The following RYR3 variants were observed in gnomAD, a reference collection of about 807,000 sequenced individuals.
RYR3 encodes the protein brain ryanodine receptor-calcium release channel.
RYR3 carries 207 observed loss-of-function variants against 584.3 expected under a neutral mutation model. The observed-to-expected ratio is 0.35, with a 90% CI of 0.32 to 0.40. The LOEUF (loss-of-function observed/expected upper bound fraction) is 0.40. RYR3 is among the 10% of genes least tolerant of loss of function. RYR3 has a pLI of 1.00. For synonymous variants in RYR3, 2,416 were observed against 2,248.5 expected, an observed-to-expected ratio of 1.07 and a Z score of -2.11; for missense variants, 5,616 against 6,089.2, an observed-to-expected ratio of 0.92 and a Z score of 2.59.
intron 100 of RYR3, 97 bp downstream of exon 100, chr15:33,859,828 G>A (rs2080138070): frequency 7.8e-7 from 1 of 1,275,596 alleles, no homozygotes; most frequent in Non-Finnish European, 1.1e-6. Context: ...AGAAGCGTGT[G>A]AATTCATTTA....
rs369041765 is a variant in RYR3, at chr15:33,857,806, C to T, written c.14034C>T (p.Ala4678=). 101 of 1,614,114 alleles carry T rather than the reference C, an allele frequency of 6.3e-5. No homozygotes were observed. The highest frequency in any genetic ancestry group is 7.0e-5 in the Non-Finnish European group (83 of 1,179,980). The part of the protein sequence containing the change: ...KQLVLTVGLL[A]VVVYLYTVVA... Reference sequence around the variant, plus strand: ...TGGTTCTGACTGTCGGTCTCCTGGCCGTGGTGGTTTATCTCTATACTGTGG... The same window carrying T: ...TGGTTCTGACTGTCGGTCTCCTGGCTGTGGTGGTTTATCTCTATACTGTGG... The change falls in exon 99 of 104, where the codon GCC becomes GCT. Residue 4678 remains alanine (A), a synonymous_variant. Transcript: ENST00000634891.
chr15:33,838,626 G>C lies in RYR3; in HGVS notation c.12646G>C (p.Gly4216Arg). 1.2e-6 allele frequency: 2 copies of C among 1,613,930 alleles called. No individual in the cohort carries two copies. The highest frequency in any genetic ancestry group is 1.1e-5 in the South Asian group (1 of 91,060). Reference protein sequence around the residue: ...IFQILWSTVFGGGLVEGAKNI... With the variant: ...IFQILWSTVFRGGLVEGAKNI... ...TCAGATCCTCTGGAGCACAGTGTTT[G>C]GAGGGGGCCTGGTAGAAGGGGCAAA... Residue 4216 changes from glycine (G) to arginine (R), a missense_variant, in exon 89 of 104, where the codon GGA becomes CGA. By Grantham distance (125) the Gly-to-Arg change is moderately radical (BLOSUM62 -2). Around this residue, in one of 9 missense-constraint regions of RYR3, gnomAD observed 918 missense variants for 887.4 expected, o/e 1.03. Coordinates refer to ENST00000634891, the MANE Select transcript of RYR3 (RefSeq NM_001036.6).
intron 5 of RYR3, 134 bp downstream of exon 5, chr15:33,533,523 T>C (rs984817825): frequency 3.3e-6 from 2 of 608,060 alleles, no homozygotes; most frequent in South Asian, 2.1e-5. Context: ...GAAAAAAAAT[T>C]GCAGAATAAT....
In RYR3 at chr15:33,785,852, G is replaced by A. The variant is rs767123203; in HGVS notation, c.9459G>A (p.Leu3153=). The change falls in exon 66 of 104, where the codon CTG becomes CTA. Residue 3153 remains leucine (L), a synonymous_variant. Coordinates refer to ENST00000634891, the MANE Select transcript of RYR3 (RefSeq NM_001036.6). The part of the protein sequence containing the change: ...SYWWERGPEN[L]PPSTGPCCTK... ...GGTGGGAGCGGGGTCCTGAGAACCT[G>A]CCCCCCAGCACAGGGCCATGCTGCA... 7 of 1,613,658 alleles carry A rather than the reference G, an allele frequency of 4.3e-6. No individual in the cohort carries two copies. In the Admixed American group the frequency reaches 1.0e-4, roughly 23 times the overall value.
Position 33,813,452 on chromosome 15 carries a change from G to A in RYR3, c.10390-15G>A, listed in dbSNP as rs187639743. 79 of 1,605,914 alleles carry A rather than the reference G, an allele frequency of 4.9e-5. No homozygotes were observed. The East Asian group carries it at 7.8e-4, about 16-fold the overall frequency. ...ATCAGCCTAATGTGCACCAACCGAT[G>A]TGATCTCTTCTCAGGTGGAACAGCC... On this transcript the variant is annotated splice_polypyrimidine_tract_variant and intron_variant, in intron 73 of 103. Coordinates refer to ENST00000634891, the MANE Select transcript of RYR3 (RefSeq NM_001036.6).
At position 33,742,361 on chromosome 15, in the gene RYR3, C is replaced by A; in HGVS notation, c.7821-5C>A. The A allele has an allele frequency of 6.2e-7, 1 of 1,605,802 alleles. No homozygotes were observed. The highest frequency in any genetic ancestry group is 1.1e-5 in the South Asian group (1 of 90,868). Reference sequence around the variant, plus strand: ...AGGTTGTAATTTTTTTTCCTCATTTCACAGTTTTTCCTTGCCTGAAAAATT... The same window carrying A: ...AGGTTGTAATTTTTTTTCCTCATTTAACAGTTTTTCCTTGCCTGAAAAATT... On this transcript the variant is annotated splice_region_variant and splice_polypyrimidine_tract_variant and intron_variant, in intron 51 of 103. Transcript: ENST00000634891.
At chr15:33,369,151 C>CA (rs141815765) in intron 1 of RYR3, among the ~76,000 whole-genome samples, 18,086 of 152,232 alleles carry the variant, frequency 0.12, 1,210 homozygotes, top group Middle Eastern at 0.21. Context: ...GAAACTGAAT[C>CA]ACCAAAAAGT....
intron 12 of RYR3, among the ~76,000 whole-genome samples, chr15:33,576,138 G>A (rs1313093624): frequency 2.0e-5 from 3 of 152,124 alleles, no homozygotes; most frequent in Non-Finnish European, 4.4e-5. Flanking sequence ...AACCAGAAAA[G>A]CCCAGGACAG....
chr15:33,742,346 T>G lies in RYR3; in HGVS notation c.7821-20T>G. 6.4e-7 allele frequency: 1 copy of G among 1,567,660 alleles called. No homozygotes were observed. Among genetic ancestry groups the G allele is most frequent in the Non-Finnish European group, 8.8e-7 (1 of 1,137,952 alleles). ...CTGAAGTGCTTGGGGAGGTTGTAAT[T>G]TTTTTTCCTCATTTCACAGTTTTTC... On this transcript the variant is annotated intron_variant, in intron 51 of 103. Transcript: ENST00000634891.
At chr15:33,467,087 T>C (rs143639592) in intron 1 of RYR3, among the ~76,000 whole-genome samples, 2 of 152,372 alleles carry the variant, frequency 1.3e-5, no homozygotes, top group East Asian at 3.9e-4. Flanking sequence ...CATATCTTCA[T>C]ATATTTAGAA....
At chr15:33,669,877 TGTG>T (rs1396564278) in intron 37 of RYR3, among the ~76,000 whole-genome samples, 15 of 31,404 alleles carry the variant, frequency 4.8e-4, no homozygotes, top group South Asian at 1.7e-3. Flanking sequence ...TGTGGGTGTG[TGTG>T]GTGTGTGTGT....
At chr15:33,813,789 A>T (rs2076667420) in intron 74 of RYR3, 3 of 469,634 alleles carry the variant, frequency 6.4e-6, no homozygotes, top group East Asian at 3.4e-5. Flanking sequence ...TCTAGAGCCC[A>T]TTCCTGTCAG....
intron 31 of RYR3, among the ~76,000 whole-genome samples, chr15:33,651,537 C>A (rs1173799164): frequency 6.6e-6 from 1 of 152,230 alleles, no homozygotes; most frequent in Non-Finnish European, 1.5e-5. Context: ...CTTCTAGAGG[C>A]AGAAGGAACC....
intron 43 of RYR3, among the ~76,000 whole-genome samples, chr15:33,709,485 A>G (rs1389486936): frequency 6.6e-6 from 1 of 152,256 alleles, no homozygotes; most frequent in Non-Finnish European, 1.5e-5. Context: ...AGCATGTTTT[A>G]GAAACTTAAT....
At chr15:33,765,861 C>T (rs1366086315) in intron 60 of RYR3, among the ~76,000 whole-genome samples, 1 of 152,080 alleles carries the variant, frequency 6.6e-6, no homozygotes, top group Non-Finnish European at 1.5e-5. Flanking sequence ...TGTGAAACAT[C>T]ATGATGTTTT....
At position 33,756,500 on chromosome 15, in the gene RYR3, C is replaced by A. The variant is rs183338820; in HGVS notation, c.8583+127C>A. On this transcript the variant is annotated intron_variant, in intron 59 of 103. Transcript: ENST00000634891. ...GCTTCAGTGAGGTACATGTATATTT[C>A]TCTGTCGTGTAACAGTCCCAAGGGA... The A allele has an allele frequency of 1.9e-4, 142 of 736,350 alleles. 1 individual carries two copies. Among genetic ancestry groups the A allele is most frequent in the Middle Eastern group, 2.9e-4 (1 of 3,454 alleles). The allele number at this position is 736,350 out of a possible 1,614,324, so 45.6% of individuals were successfully genotyped here.
intron 10 of RYR3, among the ~76,000 whole-genome samples, chr15:33,552,656 C>T (rs1348473139): frequency 6.6e-6 from 1 of 152,204 alleles, no homozygotes; most frequent in Non-Finnish European, 1.5e-5. Context: ...CAAGATATGG[C>T]TGTGTTCCCA....
Position 33,558,550 on chromosome 15 carries a change from A to G in RYR3, c.973-4287A>G, listed in dbSNP as rs2057228479. On this transcript the variant is annotated intron_variant, in intron 10 of 103. Transcript: ENST00000634891. ...CTTTGCTATTGTGAGTAGTGCCGCA[A>G]TAAACATACGTGTGCATGTGTCTTT... 3.9e-5 allele frequency among the ~76,000 whole-genome samples: 6 copies of G among 152,134 alleles called. 1 individual carries two copies. The highest frequency in any genetic ancestry group is 2.6e-4 in the Admixed American group (4 of 15,274).
chr15:33,801,302 A>T (rs1280328756), intron 68 of RYR3, among the ~76,000 whole-genome samples: 2 of 152,224 alleles, frequency 1.3e-5, no homozygotes, highest in African/African-American at 4.8e-5. Flanking sequence ...CATTCTTATT[A>T]TGCAGATGAA....
Sources: allele counts gnomAD v4.1 joint callset (sites outside exome capture counted in the v4.1 genomes callset), GRCh38; gene constraint gnomAD v4.1.1; regional missense constraint gnomAD v4.1.1; transcripts MANE v1.5; gene names NCBI Gene and HGNC (gene_info 2026-07-23, HGNC 2026-07-21).